DOCK1: variants seen among roughly 807,000 people sequenced by gnomAD.
The protein encoded by DOCK1 is dedicator of cytokinesis 1.
Under a neutral mutation model 262.7 loss-of-function variants are expected in DOCK1, and 138 were observed. That is an observed-to-expected ratio of 0.53 (90% CI 0.46 to 0.61). The LOEUF is 0.61. DOCK1 is among the 20% of genes least tolerant of loss of function. DOCK1 has a pLI of 0.00. For missense variants in DOCK1, 1,908 were observed against 2,370.7 expected, an observed-to-expected ratio of 0.80 and a Z score of 4.05; for synonymous variants, 866 against 867.4, an observed-to-expected ratio of 1.00 and a Z score of 0.03.
At chr10:126,952,362 CTGTTGGTAGTAT>C (rs2036331294) in intron 1 of DOCK1, among the ~76,000 whole-genome samples, 1 of 148,354 alleles carries the variant, frequency 6.7e-6, no homozygotes, top group Non-Finnish European at 1.5e-5. Flanking sequence ...AATATTGTTA[CTGTTGGTAGTAT>C]TGTTGGTAGT....
At chr10:127,407,982 A>C (rs1259095296) in intron 40 of DOCK1, among the ~76,000 whole-genome samples, 1 of 152,124 alleles carries the variant, frequency 6.6e-6, no homozygotes, top group African/African-American at 2.4e-5. Context: ...CAGCAGCAGC[A>C]TTACACTAGG....
chr10:127,170,972 A>C (rs1046390144), intron 27 of DOCK1, among the ~76,000 whole-genome samples: 3 of 152,234 alleles, frequency 2.0e-5, no homozygotes, highest in African/African-American at 7.2e-5. Flanking sequence ...CTTTTTGCAC[A>C]TCTAACCTAC....
chr10:127,420,706 G>A (rs2068449817), intron 46 of DOCK1, among the ~76,000 whole-genome samples: 1 of 151,936 alleles, frequency 6.6e-6, no homozygotes, highest in Non-Finnish European at 1.5e-5. Context: ...GGGCGTGGTG[G>A]TGCACGCCTA....
At chr10:127,134,388 A>T (rs911695188) in intron 27 of DOCK1, among the ~76,000 whole-genome samples, 1 of 152,202 alleles carries the variant, frequency 6.6e-6, no homozygotes, top group African/African-American at 2.4e-5. Flanking sequence ...ACTGCCTCTC[A>T]GGGTACATGG....
At chr10:127,268,406 A>G (rs1231109370) in intron 29 of DOCK1, among the ~76,000 whole-genome samples, 7 of 148,974 alleles carry the variant, frequency 4.7e-5, no homozygotes, top group Non-Finnish European at 1.0e-4. Flanking sequence ...AGGCTGAGAC[A>G]GGAGAATTCC....
chr10:127,361,671 G>A (rs568008995), intron 32 of DOCK1, among the ~76,000 whole-genome samples: 7 of 152,198 alleles, frequency 4.6e-5, no homozygotes, highest in East Asian at 3.9e-4. Flanking sequence ...TGTTCCTGTC[G>A]CTGTGCACAG....
At chr10:127,073,128 C>T (rs901310215) in intron 23 of DOCK1, among the ~76,000 whole-genome samples, 2 of 152,176 alleles carry the variant, frequency 1.3e-5, no homozygotes, top group African/African-American at 4.8e-5. Context: ...AGCATTGAGG[C>T]CTATTTTGAT....
At chr10:127,384,979 T>C (rs780263319) in intron 38 of DOCK1, 70 bp downstream of exon 38, 39 of 1,405,064 alleles carry the variant, frequency 2.8e-5, no homozygotes, top group Non-Finnish European at 3.0e-5. Flanking sequence ...TGTAAACACG[T>C]TTTTTAGCGT....
rs1383143551 is a variant in DOCK1 at position 127,303,440 on chromosome 10, C to G, written c.3045-35566C>G. The stretch of plus-strand genomic sequence containing the variant: ...CAGAGGAGCCTGGCTAACATTTAGT[C>G]AAAAAGAGTCTCTGTCAGTGCTCGA... On this transcript the variant is annotated intron_variant, in intron 29 of 51. Transcript: ENST00000623213. Among the ~76,000 whole-genome samples, 7 of 151,922 alleles carry G rather than the reference C, an allele frequency of 4.6e-5. No homozygotes were observed. In the East Asian group the frequency reaches 1.4e-3, roughly 29 times the overall value.
At chr10:127,328,481 G>C (rs1238494858) in intron 29 of DOCK1, among the ~76,000 whole-genome samples, 1 of 152,206 alleles carries the variant, frequency 6.6e-6, no homozygotes, top group Non-Finnish European at 1.5e-5. Context: ...GACCCTCACT[G>C]TATTGTTGTA....
chr10:127,228,831 C>T (rs897886867), intron 27 of DOCK1, among the ~76,000 whole-genome samples: 2 of 152,078 alleles, frequency 1.3e-5, no homozygotes, highest in South Asian at 2.1e-4. Context: ...TTATGATGTA[C>T]GACATGATGT....
chr10:127,428,842 CCGTGTGGATTGGGGTGT>C lies in DOCK1; in HGVS notation c.4914+2848_4914+2864del, dbSNP rs1406982870. On this transcript the variant is annotated intron_variant, in intron 47 of 51. Transcript: ENST00000623213. The stretch of plus-strand genomic sequence containing the variant: ...GGATTGGGGTACCGTGTGGATTGTG[CCGTGTGGATTGGGGTGT>C]CGTGTGGATTGGGGTGCCATGTGGA... Among the ~76,000 whole-genome samples the C allele has an allele frequency of 6.3e-3, 640 of 101,016 alleles. 8 individuals carry two copies. The highest frequency in any genetic ancestry group is 0.021 in the African/African-American group (508 of 24,648). 66.3% of individuals were successfully genotyped at this position (101,016 alleles called of 152,430 possible).
intron 27 of DOCK1, among the ~76,000 whole-genome samples, chr10:127,216,247 A>G (rs796709200): frequency 4.0e-5 from 6 of 151,896 alleles, no homozygotes; most frequent in African/African-American, 1.2e-4. Flanking sequence ...TTAAGTACCC[A>G]AGTTAGGAAG....
In DOCK1 at chr10:127,451,849, A is replaced by C; in HGVS notation, c.*422A>C. ...GTGATGATGTATAAGAATCCTCCTC[A>C]CTGTCATGGGATGTTGTATCCAGCC... On this transcript the variant is annotated 3_prime_UTR_variant, in exon 52 of 52. Transcript: ENST00000623213. 5.0e-6 allele frequency: 1 copy of C among 198,396 alleles called. No homozygotes were observed. The allele number at this position is 198,396 out of a possible 1,614,324, so 12.3% of individuals were successfully genotyped here.
intron 29 of DOCK1, among the ~76,000 whole-genome samples, chr10:127,268,214 T>TA (rs1434734912): frequency 3.9e-5 from 6 of 152,038 alleles, no homozygotes. Context: ...TGATGCTCAG[T>TA]AACTGTTAGA....
At chr10:127,138,103 T>C in intron 27 of DOCK1, 1 of 1,205,064 alleles carries the variant, frequency 8.3e-7, no homozygotes, top group Non-Finnish European at 1.2e-6. Flanking sequence ...GATTTGGGCA[T>C]GATCAGTGTG....
intron 15 of DOCK1, chr10:127,026,138 G>A (rs964757768): frequency 4.5e-5 from 25 of 551,840 alleles, no homozygotes; most frequent in African/African-American, 3.3e-4. Context: ...GCTGTGTCAC[G>A]GAGTCAGTTG....
At chr10:127,026,059 C>CAAA (rs71490104) in intron 15 of DOCK1, 7,607 of 230,282 alleles carry the variant, frequency 0.033, 536 homozygotes, top group African/African-American at 0.17. Context: ...AACTCTGTAT[C>CAAA]AAAAAAAAAA....
chr10:127,203,054 C>CA (rs1156656320), intron 27 of DOCK1, among the ~76,000 whole-genome samples: 6 of 152,218 alleles, frequency 3.9e-5, no homozygotes, highest in Non-Finnish European at 7.3e-5. Flanking sequence ...GGCACTGAAA[C>CA]AGCAATATAC....
Sources: gnomAD v4.1 joint callset for allele counts (sites outside exome capture counted in the v4.1 genomes callset) on GRCh38, gnomAD v4.1.1 for gene constraint, MANE v1.5 for transcripts, NCBI Gene and HGNC (gene_info 2026-07-23, HGNC 2026-07-21) for gene names.